Variants in PROK2 observed in about 807,000 individuals in gnomAD.
PROK2 encodes the protein prokineticin-2.
A neutral mutation model predicts 14.2 loss-of-function variants in PROK2; 8 were observed. The ratio of observed to expected loss-of-function variants is 0.56; its 90% confidence interval spans 0.33 to 1.02. The LOEUF (loss-of-function observed/expected upper bound fraction) is 1.02. Among genes scored for constraint, PROK2 ranks in the 50% least tolerant of loss-of-function variants. The probability of loss-of-function intolerance (pLI) is 0.03; values close to 1 mark genes in which losing one functional copy is unlikely to be tolerated. For synonymous variants in PROK2, 59 were observed against 60.7 expected (o/e 0.97, Z 0.13); for missense variants, 154 against 160.4 (o/e 0.96, Z 0.22).
chr3:71,772,625 G>T lies in PROK2; in HGVS notation c.*99C>A. The T allele has an allele frequency of 2.0e-6, 2 of 1,001,202 alleles. No individual in the cohort carries two copies. The highest frequency in any genetic ancestry group is 3.2e-6 in the Non-Finnish European group (2 of 629,640). The allele number at this position is 1,001,202 out of a possible 1,614,324, so 62.0% of individuals were successfully genotyped here. On this transcript the variant is annotated 3_prime_UTR_variant, in exon 4 of 4. Transcript: ENST00000295619. The stretch of plus-strand genomic sequence containing the variant: ...GTTACTTGGAAAGTTGAGGAAGCAA[G>T]AGCATTTCTTTCTGGCACATTTTTT...
chr3:71,784,876 C>G lies in PROK2; in HGVS notation c.96+81G>C, dbSNP rs541020084. On this transcript the variant is annotated intron_variant, in intron 1 of 3. Coordinates refer to ENST00000295619, the MANE Select transcript of PROK2 (RefSeq NM_001126128.2). ...GACCCTCCCTTTGCCTCTAGCCTGC[C>G]CTTCAGGGTCCCCGTCCCAAGCCCC... 2.3e-5 allele frequency: 26 copies of G among 1,141,572 alleles called. No homozygotes were observed. In the African/African-American group the frequency reaches 4.2e-4, roughly 18 times the overall value. 70.7% of individuals were successfully genotyped at this position (1,141,572 alleles called of 1,614,324 possible).
chr3:71,774,493 A>T lies in PROK2; in HGVS notation c.237T>A (p.Asn79Lys), dbSNP rs1433860901. 18 of 1,550,756 alleles carry T rather than the reference A, an allele frequency of 1.2e-5. No homozygotes were observed. The highest frequency in any genetic ancestry group is 1.6e-5 in the Non-Finnish European group (18 of 1,146,654). Reference protein sequence around the residue: ...HPLTRKNNFGNGRQERRKRKR... With the variant: ...HPLTRKNNFGKGRQERRKRKR... The stretch of plus-strand genomic sequence containing the variant: ...TCCTCTTTCTTCTTTCCTGCCTTCC[A>T]TTTCCAAAATTGTTCTGGAAGGGCC... The change falls in exon 3 of 4, where the codon AAT becomes AAA. Residue 79 changes from asparagine (N) to lysine (K), a missense_variant. By Grantham distance (94) the Asn-to-Lys change is moderately conservative (BLOSUM62 0). Coordinates refer to ENST00000295619, the MANE Select transcript of PROK2 (RefSeq NM_001126128.2).
chr3:71,781,411 C>T, intron 2 of PROK2, 56 bp downstream of exon 2: 1 of 1,592,144 alleles, frequency 6.3e-7, no homozygotes, highest in Non-Finnish European at 8.6e-7. Flanking sequence ...TCATACAGAC[C>T]CTGCTCAGAG....
intron 2 of PROK2, among the ~76,000 whole-genome samples, chr3:71,775,959 C>T (rs2050114403): frequency 6.6e-6 from 1 of 152,126 alleles, no homozygotes; most frequent in Non-Finnish European, 1.5e-5. Flanking sequence ...ACTGCCCTGC[C>T]CAGCTCCGAG....
At chr3:71,777,844 T>C (rs928072891) in intron 2 of PROK2, among the ~76,000 whole-genome samples, 1 of 149,124 alleles carries the variant, frequency 6.7e-6, no homozygotes, top group African/African-American at 2.5e-5. Context: ...CCTTGTTGTT[T>C]TGTCTTTTTT....
Position 71,771,683 on chromosome 3 carries a change from T to C in PROK2, c.*1041A>G, listed in dbSNP as rs1322991675. 6.6e-6 allele frequency: 1 copy of C among 152,578 alleles called. No individual in the cohort carries two copies. The highest frequency in any genetic ancestry group is 1.9e-4 in the East Asian group (1 of 5,196). The allele number at this position is 152,578 out of a possible 1,614,324, so 9.5% of individuals were successfully genotyped here. On this transcript the variant is annotated 3_prime_UTR_variant, in exon 4 of 4. Transcript: ENST00000295619. ...CAAAAATAAGGATATAATATTAAAA[T>C]AAATCAAATGATATACAGTACTGTT...
intron 2 of PROK2, among the ~76,000 whole-genome samples, chr3:71,778,208 T>TA (rs1235030660): frequency 2.1e-4 from 32 of 151,368 alleles, no homozygotes; most frequent in Admixed American, 1.3e-3. Context: ...AAAAAATAAA[T>TA]AAATAAAATA....
rs2050203251 is a variant in PROK2, at chr3:71,785,062, G to A, written c.-10C>T. The A allele has an allele frequency of 8.1e-7, 1 of 1,234,748 alleles. No homozygotes were observed. Among genetic ancestry groups the A allele is most frequent in the African/African-American group, 1.6e-5 (1 of 64,352 alleles). The allele number at this position is 1,234,748 out of a possible 1,614,324, so 76.5% of individuals were successfully genotyped here. A position where few individuals can be genotyped will look rare whatever the true frequency, so the allele number is the denominator to read the frequency against. On this transcript the variant is annotated 5_prime_UTR_variant, in exon 1 of 4. Transcript: ENST00000295619. ...AGCACAGGCTCCTCATGGCGCCCTC[G>A]GGACTGGGCGGCCGCCGGAGGCAGT...
intron 2 of PROK2, among the ~76,000 whole-genome samples, chr3:71,776,525 G>A (rs900385197): frequency 3.9e-5 from 6 of 151,916 alleles, no homozygotes; most frequent in African/African-American, 9.7e-5. Flanking sequence ...CTACAGGCAT[G>A]TGCCACCATG....
intron 2 of PROK2, among the ~76,000 whole-genome samples, chr3:71,776,742 C>T (rs1198963877): frequency 6.6e-6 from 1 of 152,134 alleles, no homozygotes; most frequent in Non-Finnish European, 1.5e-5. Flanking sequence ...CTGGCCCACT[C>T]ACTTCTAGAT....
chr3:71,772,857 C>T, intron 3 of PROK2, 29 bp from the exon 4 acceptor site: 1 of 1,594,362 alleles, frequency 6.3e-7, no homozygotes, highest in African/African-American at 1.3e-5. Flanking sequence ...GGAGTCAGAG[C>T]TGGAAAGGTT....
chr3:71,777,271 C>T (rs995743794), intron 2 of PROK2, among the ~76,000 whole-genome samples: 1 of 152,168 alleles, frequency 6.6e-6, no homozygotes, highest in Middle Eastern at 3.2e-3. Flanking sequence ...TAATCATAGA[C>T]AGTAGCTCTT....
Position 71,785,122 on chromosome 3 carries a change from G to A in PROK2, c.-70C>T, listed in dbSNP as rs2050204519. ...GGGGCCCGGGTGCGCTGGGTGGAGC[G>A]CGGAGCGGCGGGCGGACGGGCGCGG... On this transcript the variant is annotated 5_prime_UTR_variant, in exon 1 of 4. Coordinates refer to ENST00000295619, the MANE Select transcript of PROK2 (RefSeq NM_001126128.2). 3.8e-6 allele frequency: 4 copies of A among 1,047,696 alleles called. No homozygotes were observed. The highest frequency in any genetic ancestry group is 1.7e-5 in the African/African-American group (1 of 59,936). The allele number at this position is 1,047,696 out of a possible 1,614,324, so 64.9% of individuals were successfully genotyped here.
intron 2 of PROK2, among the ~76,000 whole-genome samples, chr3:71,778,847 T>C (rs2050140318): frequency 2.0e-5 from 3 of 152,180 alleles, no homozygotes; most frequent in African/African-American, 7.2e-5. Context: ...GAAAATGTAT[T>C]TGAAGATAAA....
At chr3:71,784,724 G>A (rs2050197761) in intron 1 of PROK2, among the ~76,000 whole-genome samples, 1 of 152,232 alleles carries the variant, frequency 6.6e-6, no homozygotes, top group African/African-American at 2.4e-5. Flanking sequence ...TAAAGGTGGT[G>A]GGCGACATCC....
At chr3:71,779,626 CAG>C (rs1388565388) in intron 2 of PROK2, among the ~76,000 whole-genome samples, 1 of 152,168 alleles carries the variant, frequency 6.6e-6, no homozygotes, top group Admixed American at 6.5e-5. Flanking sequence ...TTTTTCCAGA[CAG>C]AGTCTTGCTC....
intron 2 of PROK2, among the ~76,000 whole-genome samples, chr3:71,778,213 A>T (rs193098309): frequency 1.4e-3 from 209 of 151,308 alleles, no homozygotes; most frequent in African/African-American, 4.9e-3. Flanking sequence ...ATAAATAAAT[A>T]AAATAAAATA....
At position 71,772,386 on chromosome 3, in the gene PROK2, GT is replaced by G. The variant is rs2050086309; in HGVS notation, c.*337del. 4 of 250,536 alleles carry G rather than the reference GT, an allele frequency of 1.6e-5. No individual in the cohort carries two copies. The South Asian group carries it at 2.0e-4, about 13-fold the overall frequency. The allele number at this position is 250,536 out of a possible 1,614,324, so 15.5% of individuals were successfully genotyped here. ...GGGGTGGTGAGAAAAAAAAAAAAAA[GT>G]TTTTCTAACAAAATATCAAATTCTT... On this transcript the variant is annotated 3_prime_UTR_variant, in exon 4 of 4. Coordinates refer to ENST00000295619, the MANE Select transcript of PROK2 (RefSeq NM_001126128.2).
At chr3:71,775,978 A>T (rs2050114530) in intron 2 of PROK2, among the ~76,000 whole-genome samples, 1 of 152,086 alleles carries the variant, frequency 6.6e-6, no homozygotes, top group African/African-American at 2.4e-5. Flanking sequence ...AGCAGGCAAA[A>T]CGTAACTCAC....
Sources: gnomAD v4.1 joint callset for allele counts (sites outside exome capture counted in the v4.1 genomes callset) on GRCh38, gnomAD v4.1.1 for gene constraint, MANE v1.5 for transcripts, NCBI Gene and HGNC (gene_info 2026-07-23, HGNC 2026-07-21) for gene names.